SAP30L: variants seen among roughly 807,000 people sequenced by gnomAD.
SAP30L encodes SAP30 like, also known as histone deacetylase complex subunit SAP30L.
SAP30L carries 10 observed loss-of-function variants against 22.3 expected under a neutral mutation model. The ratio of observed to expected loss-of-function variants is 0.45; its 90% CI spans 0.28 to 0.76. The LOEUF (loss-of-function observed/expected upper bound fraction) is 0.76. Among genes scored for constraint, SAP30L ranks in the 30% least tolerant of loss-of-function variants. SAP30L has a pLI of 0.14. For synonymous variants in SAP30L, 91 were observed against 94.1 expected (o/e 0.97, Z 0.19); for missense variants, 206 against 237.9 (o/e 0.87, Z 0.88).
In SAP30L at chr5:154,446,565, C is replaced by T. The variant is rs1354933366; in HGVS notation, c.-40C>T. ...CAAGCGCGGCCGCGGAGTGGCCTAC[C>T]GGGGACCCTCCCCCAGAGGGACCGG... On this transcript the variant is annotated 5_prime_UTR_variant, in exon 1 of 4. Transcript: ENST00000297109. The T allele has an allele frequency of 7.1e-6, 10 of 1,400,276 alleles. No homozygotes were observed. The Admixed American group carries it at 2.6e-4, about 37-fold the overall frequency. The allele number at this position is 1,400,276 out of a possible 1,614,324, so 86.7% of individuals were successfully genotyped here.
At position 154,457,093 on chromosome 5, in the gene SAP30L, A is replaced by G. The variant is rs1757278226; in HGVS notation, c.*1065A>G. On this transcript the variant is annotated 3_prime_UTR_variant, in exon 4 of 4. Coordinates refer to ENST00000297109, the MANE Select transcript of SAP30L (RefSeq NM_024632.6). The stretch of plus-strand genomic sequence containing the variant: ...ATCATGAGTTTGGGCAACAAAGGTC[A>G]ATTCCATCTGATGCTCATTTTTGTG... The G allele has an allele frequency of 6.6e-6, 1 of 152,214 alleles. No individual in the cohort carries two copies. Among genetic ancestry groups the G allele is most frequent in the Non-Finnish European group, 1.5e-5 (1 of 68,044 alleles). 9.4% of individuals were successfully genotyped at this position (152,214 alleles called of 1,614,324 possible).
intron 1 of SAP30L, among the ~76,000 whole-genome samples, chr5:154,447,963 C>CT (rs1334594389): frequency 1.7e-5 from 2 of 114,674 alleles, no homozygotes; most frequent in Admixed American, 1.0e-4. Flanking sequence ...TTTTTTTTTT[C>CT]TTTTTCTTTT....
In SAP30L at chr5:154,446,039, G is replaced by A. The variant is rs540501212; in HGVS notation, c.-566G>A. The A allele has an allele frequency of 1.0e-3, 152 of 152,478 alleles. No individual in the cohort carries two copies. The highest frequency in any genetic ancestry group is 1.8e-3 in the Non-Finnish European group (124 of 68,404). 9.4% of individuals were successfully genotyped at this position (152,478 alleles called of 1,614,324 possible). A position where few individuals can be genotyped will look rare whatever the true frequency, so the allele number is the denominator to read the frequency against. Reference sequence around the variant, plus strand: ...GCGGGCGGCGGCCGGGCGGCCCAGGGGCTGCCGCGGGACTCGGGGCGCAGC... The same window carrying A: ...GCGGGCGGCGGCCGGGCGGCCCAGGAGCTGCCGCGGGACTCGGGGCGCAGC... On this transcript the variant is annotated 5_prime_UTR_variant, in exon 1 of 4. Transcript: ENST00000297109.
In SAP30L at chr5:154,456,241, A is replaced by T; in HGVS notation, c.*213A>T. 1 of 383,982 alleles carries T rather than the reference A, an allele frequency of 2.6e-6. No homozygotes were observed. The highest frequency in any genetic ancestry group is 4.6e-6 in the Non-Finnish European group (1 of 217,200). The allele number at this position is 383,982 out of a possible 1,614,324, so 23.8% of individuals were successfully genotyped here. ...TTTACGATAACTCTGGACTAAAAAA[A>T]TCAGGATCATTAAAAGAATTAAAAA... On this transcript the variant is annotated 3_prime_UTR_variant, in exon 4 of 4. Transcript: ENST00000297109.
At chr5:154,451,949 C>G (rs1358622900) in intron 2 of SAP30L, among the ~76,000 whole-genome samples, 1 of 152,188 alleles carries the variant, frequency 6.6e-6, no homozygotes, top group African/African-American at 2.4e-5. Context: ...AACCACTGCG[C>G]TAGACCATGA....
rs1757323051 is a variant in SAP30L, at chr5:154,459,141, A to G, written c.*3113A>G. On this transcript the variant is annotated 3_prime_UTR_variant, in exon 4 of 4. Coordinates refer to ENST00000297109, the MANE Select transcript of SAP30L (RefSeq NM_024632.6). ...GGAGCTTACTCTGGGGGCCTTGCCTATTGAGGGAGGCTGTTGCCCAGAGCA... is the reference window on the plus strand; with the variant it reads ...GGAGCTTACTCTGGGGGCCTTGCCTGTTGAGGGAGGCTGTTGCCCAGAGCA... 1 of 152,206 alleles carries G rather than the reference A, an allele frequency of 6.6e-6. No homozygotes were observed. Among genetic ancestry groups the G allele is most frequent in the African/African-American group, 2.4e-5 (1 of 41,450 alleles). The allele number at this position is 152,206 out of a possible 1,614,324, so 9.4% of individuals were successfully genotyped here.
intron 2 of SAP30L, chr5:154,452,507 C>T (rs1187651782): frequency 1.0e-6 from 1 of 984,518 alleles, no homozygotes; most frequent in Non-Finnish European, 1.2e-6. Context: ...CAGGTAAAGG[C>T]AGCCCAACTT....
chr5:154,452,401 G>A (rs1582042319), intron 2 of SAP30L: 4 of 336,240 alleles, frequency 1.2e-5, no homozygotes, highest in South Asian at 2.5e-4. Flanking sequence ...GGAATGTTTT[G>A]AAAAAGAATG....
intron 3 of SAP30L, 98 bp from the exon 4 acceptor site, chr5:154,455,802 A>G (rs1757250840): frequency 1.4e-6 from 2 of 1,418,042 alleles, no homozygotes. Flanking sequence ...TTCCCGCCAC[A>G]GCATGCAAAC....
In SAP30L at chr5:154,446,804, G is replaced by T. The variant is rs1757022700; in HGVS notation, c.200G>T (p.Ser67Ile). The T allele has an allele frequency of 6.2e-7, 1 of 1,601,724 alleles. No homozygotes were observed. The highest frequency in any genetic ancestry group is 8.5e-7 in the Non-Finnish European group (1 of 1,175,570). Residue 67 changes from serine to isoleucine, a missense_variant and splice_region_variant, in exon 1 of 4, where the codon AGC becomes ATC. Coordinates refer to ENST00000297109, the MANE Select transcript of SAP30L (RefSeq NM_024632.6). The part of the protein sequence containing the change: ...QKKLKLDIDK[S>I]VRHLYICDFH... Reference sequence around the variant, plus strand: ...AAACTCAAGCTGGACATCGACAAGAGCGTGAGTCCGCCCCCGCTCGCGTCT... The same window carrying T: ...AAACTCAAGCTGGACATCGACAAGATCGTGAGTCCGCCCCCGCTCGCGTCT...
In SAP30L at chr5:154,452,585, G is replaced by A. The variant is rs1013253932; in HGVS notation, c.325-817G>A. 4 of 607,278 alleles carry A rather than the reference G, an allele frequency of 6.6e-6. No individual in the cohort carries two copies. The African/African-American group carries it at 8.0e-5, about 12-fold the overall frequency. 37.6% of individuals were successfully genotyped at this position (607,278 alleles called of 1,614,324 possible). On this transcript the variant is annotated intron_variant, in intron 2 of 3. Coordinates refer to ENST00000297109, the MANE Select transcript of SAP30L (RefSeq NM_024632.6). The stretch of plus-strand genomic sequence containing the variant: ...TCCTTTGTTAGAAACAAAAAGGGGG[G>A]GTCCCTTCCCCTCTGTTATCCAGTC...
At chr5:154,448,048 T>C (rs1478232175) in intron 1 of SAP30L, among the ~76,000 whole-genome samples, 1 of 134,870 alleles carries the variant, frequency 7.4e-6, no homozygotes. Context: ...AGATCTCGAC[T>C]CACTGCAACC....
intron 3 of SAP30L, among the ~76,000 whole-genome samples, chr5:154,454,961 C>A (rs1391910880): frequency 1.3e-5 from 2 of 151,884 alleles, no homozygotes; most frequent in Non-Finnish European, 2.9e-5. Flanking sequence ...GCTCTATCTC[C>A]CAGGCTGGAG....
In SAP30L at chr5:154,446,170, GCCCGGCAGCGAGTTTGCCC is replaced by G. The variant is rs1756992981; in HGVS notation, c.-433_-415del. The G allele has an allele frequency of 6.5e-6, 1 of 153,136 alleles. No individual in the cohort carries two copies. The highest frequency in any genetic ancestry group is 2.4e-5 in the African/African-American group (1 of 41,470). The allele number at this position is 153,136 out of a possible 1,614,324, so 9.5% of individuals were successfully genotyped here. A position where few individuals can be genotyped will look rare whatever the true frequency, so the allele number is the denominator to read the frequency against. On this transcript the variant is annotated 5_prime_UTR_variant, in exon 1 of 4. Coordinates refer to ENST00000297109, the MANE Select transcript of SAP30L (RefSeq NM_024632.6). ...GAGGCCGCGCCACCCCGGGGGAGCTGCCCGGCAGCGAGTTTGCCCCGCTGCCGAAAGAAGGCGGGAGCCG... is the reference window on the plus strand; with the variant it reads ...GAGGCCGCGCCACCCCGGGGGAGCTGCGCTGCCGAAAGAAGGCGGGAGCCG...
rs1487650292 is a variant in SAP30L at position 154,446,439 on chromosome 5, C to G, written c.-166C>G. 4.0e-6 allele frequency: 2 copies of G among 505,596 alleles called. No individual in the cohort carries two copies. Among genetic ancestry groups the G allele is most frequent in the Admixed American group, 4.4e-5 (1 of 22,528 alleles). 31.3% of individuals were successfully genotyped at this position (505,596 alleles called of 1,614,324 possible). A position where few individuals can be genotyped will look rare whatever the true frequency, so the allele number is the denominator to read the frequency against. On this transcript the variant is annotated 5_prime_UTR_variant, in exon 1 of 4. Transcript: ENST00000297109. ...CTTCCGGAGGCGGAGGGCCGGGGGC[C>G]GAGGGAGCCGGGCCTCTCGGACGCG... is the stretch of plus-strand genomic sequence containing the variant.
intron 2 of SAP30L, 96 bp from the exon 3 acceptor site, chr5:154,453,306 C>A: frequency 1.2e-6 from 1 of 816,042 alleles, no homozygotes; most frequent in Non-Finnish European, 2.1e-6. Context: ...TCCCCATCCT[C>A]ACCCCTACCT....
rs1757084965 is a variant in SAP30L, at chr5:154,449,009, C to G, written c.202-2082C>G. The stretch of plus-strand genomic sequence containing the variant: ...AAAAACTAGAGCCTTTGCTACCACC[C>G]TCCTGCCCCAACCCCACTCCCAAAG... On this transcript the variant is annotated intron_variant, in intron 1 of 3. Coordinates refer to ENST00000297109, the MANE Select transcript of SAP30L (RefSeq NM_024632.6). Among the ~76,000 whole-genome samples, 6 of 152,218 alleles carry G rather than the reference C, an allele frequency of 3.9e-5. No individual in the cohort carries two copies. The South Asian group carries it at 1.2e-3, about 32-fold the overall frequency.
chr5:154,449,995 G>C (rs888517994), intron 1 of SAP30L, among the ~76,000 whole-genome samples: 1 of 152,320 alleles, frequency 6.6e-6, no homozygotes, highest in East Asian at 1.9e-4. Flanking sequence ...CCATGAAAAG[G>C]TCTGAATTAA....
In SAP30L at chr5:154,457,306, C is replaced by T. The variant is rs1204802217; in HGVS notation, c.*1278C>T. 1 of 152,016 alleles carries T rather than the reference C, an allele frequency of 6.6e-6. No individual in the cohort carries two copies. The highest frequency in any genetic ancestry group is 1.5e-5 in the Non-Finnish European group (1 of 68,018). 9.4% of individuals were successfully genotyped at this position (152,016 alleles called of 1,614,324 possible). ...ATTCTTTAATCTGTGTAATGGAGGGCAGAGGGTATGGGGTAGGAGGGTGGG... is the reference window on the plus strand; with the variant it reads ...ATTCTTTAATCTGTGTAATGGAGGGTAGAGGGTATGGGGTAGGAGGGTGGG... On this transcript the variant is annotated 3_prime_UTR_variant, in exon 4 of 4. Coordinates refer to ENST00000297109, the MANE Select transcript of SAP30L (RefSeq NM_024632.6).
Sources: allele counts gnomAD v4.1 joint callset (sites outside exome capture counted in the v4.1 genomes callset), GRCh38; gene constraint gnomAD v4.1.1; transcripts MANE v1.5; gene names NCBI Gene and HGNC (gene_info 2026-07-23, HGNC 2026-07-21).